The following GPR39 variants were observed in gnomAD, a reference collection of about 807,000 sequenced individuals.
The protein encoded by GPR39 is G protein-coupled receptor 39.
Under a neutral mutation model 18.4 loss-of-function variants are expected in GPR39, and 23 were observed. The ratio of observed to expected loss-of-function variants is 1.25; its 90% CI spans 0.90 to 1.77. The LOEUF (loss-of-function observed/expected upper bound fraction) is 1.77. GPR39 is among the 40% of genes most tolerant of loss of function. GPR39 has a pLI of 0.00. For synonymous variants in GPR39, 280 were observed against 257.9 expected, an observed-to-expected ratio of 1.09 and a Z score of -0.82; for missense variants, 647 against 602.4, an observed-to-expected ratio of 1.07 and a Z score of -0.78.
chr2:132,553,092 AT>A lies in GPR39; in HGVS notation c.857-92004del, dbSNP rs1333940895. 4.0e-5 allele frequency among the ~76,000 whole-genome samples: 6 copies of A among 151,164 alleles called. No individual in the cohort carries two copies. In the East Asian group the frequency reaches 1.2e-3, roughly 30 times the overall value. On this transcript the variant is annotated intron_variant, in intron 1 of 1. Coordinates refer to ENST00000329321, the MANE Select transcript of GPR39 (RefSeq NM_001508.3). ...AGGTGTGCACCACCATGCCTGGCTA[AT>A]TTTTGTATTTTTAGTAGAGATGGGG... is the stretch of plus-strand genomic sequence containing the variant.
chr2:132,421,578 A>G (rs1166012381), intron 1 of GPR39, among the ~76,000 whole-genome samples: 1 of 152,230 alleles, frequency 6.6e-6, no homozygotes, highest in Non-Finnish European at 1.5e-5. Context: ...AGTTACATCT[A>G]GTGGCAGGGA....
intron 1 of GPR39, among the ~76,000 whole-genome samples, chr2:132,558,527 T>C (rs1011007499): frequency 1.3e-5 from 2 of 152,180 alleles, no homozygotes; most frequent in Admixed American, 1.3e-4. Flanking sequence ...TCTGACACAA[T>C]GTAACTGGCA....
intron 1 of GPR39, among the ~76,000 whole-genome samples, chr2:132,496,523 A>G (rs1681645355): frequency 6.6e-6 from 1 of 152,222 alleles, no homozygotes; most frequent in Non-Finnish European, 1.5e-5. Flanking sequence ...GTGATCCCCA[A>G]CAAGGCAAAT....
chr2:132,633,471 A>T (rs1308862087), intron 1 of GPR39, among the ~76,000 whole-genome samples: 1 of 151,768 alleles, frequency 6.6e-6, no homozygotes, highest in Non-Finnish European at 1.5e-5. Flanking sequence ...CAGGCTGTTA[A>T]TCTGGTCCTT....
rs533463939 is a variant in GPR39 at position 132,497,142 on chromosome 2, G to A, written c.856+79244G>A. On this transcript the variant is annotated intron_variant, in intron 1 of 1. Transcript: ENST00000329321. ...CATCCTGATGTGTGTGTGGGCAGGCGTGTGGCTCTCTGTGTATAAACACGT... is the reference window on the plus strand; with the variant it reads ...CATCCTGATGTGTGTGTGGGCAGGCATGTGGCTCTCTGTGTATAAACACGT... 7.2e-5 allele frequency among the ~76,000 whole-genome samples: 11 copies of A among 152,316 alleles called. 1 individual carries two copies. Among genetic ancestry groups the A allele is most frequent in the Admixed American group, 2.6e-4 (4 of 15,302 alleles).
intron 1 of GPR39, among the ~76,000 whole-genome samples, chr2:132,422,551 G>C (rs907899685): frequency 6.6e-6 from 1 of 151,880 alleles, no homozygotes; most frequent in Non-Finnish European, 1.5e-5. Flanking sequence ...CTTAGCAAAG[G>C]CTTTTTATTT....
At chr2:132,568,176 G>C (rs551383085) in intron 1 of GPR39, among the ~76,000 whole-genome samples, 1 of 152,080 alleles carries the variant, frequency 6.6e-6, no homozygotes, top group Admixed American at 6.5e-5. Context: ...GGTTAAGATA[G>C]GGCAAACAAT....
intron 1 of GPR39, among the ~76,000 whole-genome samples, chr2:132,627,563 A>G (rs557484392): frequency 3.2e-4 from 48 of 152,324 alleles, no homozygotes; most frequent in Non-Finnish European, 4.9e-4. Flanking sequence ...CCGATTTTGC[A>G]ATCAATGAAA....
At position 132,500,730 on chromosome 2, in the gene GPR39, T is replaced by C. The variant is rs529113906; in HGVS notation, c.856+82832T>C. On this transcript the variant is annotated intron_variant, in intron 1 of 1. Transcript: ENST00000329321. ...GTCCTGGACTTTTTTTGTTGGCAAT[T>C]TTTTAATAACCCTTTCAGTCTCACT... Among the ~76,000 whole-genome samples, 15 of 152,176 alleles carry C rather than the reference T, an allele frequency of 9.9e-5. No individual in the cohort carries two copies. The South Asian group carries it at 1.2e-3, about 13-fold the overall frequency.
rs545567945 is a variant in GPR39 at position 132,553,519 on chromosome 2, G to A, written c.857-91582G>A. 7.9e-5 allele frequency among the ~76,000 whole-genome samples: 12 copies of A among 152,150 alleles called. No homozygotes were observed. In the South Asian group the frequency reaches 1.2e-3, roughly 16 times the overall value. On this transcript the variant is annotated intron_variant, in intron 1 of 1. Transcript: ENST00000329321. ...TACATGTCAAGTGCTATGTAAAGCAGGGAGAGAATGGGGAGTGACACAGTC... is the reference window on the plus strand; with the variant it reads ...TACATGTCAAGTGCTATGTAAAGCAAGGAGAGAATGGGGAGTGACACAGTC...
chr2:132,481,593 G>A (rs1186354743), intron 1 of GPR39, among the ~76,000 whole-genome samples: 2 of 152,196 alleles, frequency 1.3e-5, no homozygotes, highest in Non-Finnish European at 2.9e-5. Context: ...ATGATTGCAA[G>A]TGCTGACATG....
chr2:132,494,741 CTT>C (rs77379392), intron 1 of GPR39, among the ~76,000 whole-genome samples: 1 of 152,100 alleles, frequency 6.6e-6, no homozygotes, highest in African/African-American at 2.4e-5. Context: ...TAACTTTGAG[CTT>C]TTTTTATCCT....
At chr2:132,462,456 G>A (rs1406203834) in intron 1 of GPR39, among the ~76,000 whole-genome samples, 1 of 152,190 alleles carries the variant, frequency 6.6e-6, no homozygotes, top group Non-Finnish European at 1.5e-5. Context: ...ATCTAAGGGG[G>A]CAGAGTAGGG....
intron 1 of GPR39, among the ~76,000 whole-genome samples, chr2:132,489,779 T>A (rs769309399): frequency 6.6e-4 from 100 of 151,994 alleles, no homozygotes; most frequent in South Asian, 2.1e-4. Context: ...GTGCTGTATT[T>A]TTAATTTTTA....
chr2:132,436,689 G>A lies in GPR39; in HGVS notation c.856+18791G>A, dbSNP rs75090358. On this transcript the variant is annotated intron_variant, in intron 1 of 1. Transcript: ENST00000329321. ...TATTCAGCTTAGTAAAGAGCCCCCC[G>A]GCTTGAAGGAATTTCAGTGATGTGG... is the stretch of plus-strand genomic sequence containing the variant. Among the ~76,000 whole-genome samples, 63 of 152,154 alleles carry A rather than the reference G, an allele frequency of 4.1e-4. 1 individual carries two copies. In the East Asian group the frequency reaches 0.011, roughly 27 times the overall value.
chr2:132,456,235 CTTCT>C (rs766545154), intron 1 of GPR39, among the ~76,000 whole-genome samples: 25 of 151,620 alleles, frequency 1.6e-4, no homozygotes, highest in Non-Finnish European at 2.9e-4. Flanking sequence ...ATGTAATGGC[CTTCT>C]TTGTCTCTTT....
chr2:132,596,385 T>G (rs1680949359), intron 1 of GPR39, among the ~76,000 whole-genome samples: 1 of 152,084 alleles, frequency 6.6e-6, no homozygotes, highest in East Asian at 1.9e-4. Context: ...ACATAGTAAG[T>G]GCTCAATAAA....
chr2:132,545,240 C>G (rs1679923322), intron 1 of GPR39, among the ~76,000 whole-genome samples: 1 of 152,218 alleles, frequency 6.6e-6, no homozygotes, highest in Non-Finnish European at 1.5e-5. Context: ...TTGGACTGCT[C>G]TAGGTTCTAC....
At chr2:132,446,201 C>T (rs961435025) in intron 1 of GPR39, among the ~76,000 whole-genome samples, 4 of 152,168 alleles carry the variant, frequency 2.6e-5, no homozygotes, top group African/African-American at 9.7e-5. Flanking sequence ...TACTGAGTGC[C>T]CAGCATGGCA....
Sources: gnomAD v4.1 joint callset for allele counts (sites outside exome capture counted in the v4.1 genomes callset) on GRCh38, gnomAD v4.1.1 for gene constraint, MANE v1.5 for transcripts, NCBI Gene and HGNC (gene_info 2026-07-23, HGNC 2026-07-21) for gene names.